The following RNF130 variants were observed in gnomAD, a reference collection of about 807,000 sequenced individuals.
RNF130 encodes the protein ring finger protein 130.
Under a neutral mutation model 44.6 loss-of-function variants are expected in RNF130, and 21 were observed. The ratio of observed to expected loss-of-function variants is 0.47; its 90% CI spans 0.33 to 0.68. The LOEUF (loss-of-function observed/expected upper bound fraction) is 0.68, where lower values mean the gene tolerates loss of function less well. Ranked by LOEUF, RNF130 falls within the 30% of genes least tolerant of loss-of-function variation. RNF130 has a pLI of 0.02. For synonymous variants in RNF130, 214 were observed against 210.4 expected, an observed-to-expected ratio of 1.02 and a Z score of -0.15; for missense variants, 479 against 560.6, an observed-to-expected ratio of 0.85 and a Z score of 1.47.
In RNF130 at chr5:180,070,585, A is replaced by G. The variant is rs529690804; in HGVS notation, c.247+871T>C. ...AGAAAAATCCCCTCTCAGCATTCTCAGGGTGACAATGAGGGTGGGGATAAT... is the reference window on the plus strand; with the variant it reads ...AGAAAAATCCCCTCTCAGCATTCTCGGGGTGACAATGAGGGTGGGGATAAT... On this transcript the variant is annotated intron_variant, in intron 1 of 8. Transcript: ENST00000521389. 6.6e-5 allele frequency among the ~76,000 whole-genome samples: 10 copies of G among 152,344 alleles called. No individual in the cohort carries two copies. In the East Asian group the frequency reaches 1.7e-3, roughly 26 times the overall value.
At chr5:179,990,097 CAA>C (rs1300902710) in intron 3 of RNF130, among the ~76,000 whole-genome samples, 1 of 152,064 alleles carries the variant, frequency 6.6e-6, no homozygotes, top group Non-Finnish European at 1.5e-5. Context: ...AGACACAAGA[CAA>C]AGAGATAAAA....
chr5:179,922,373 C>A (rs554086210), intron 7 of RNF130, among the ~76,000 whole-genome samples: 1 of 151,988 alleles, frequency 6.6e-6, no homozygotes, highest in Non-Finnish European at 1.5e-5. Flanking sequence ...TGTGCAATGG[C>A]GCCATCTCGG....
intron 2 of RNF130, among the ~76,000 whole-genome samples, chr5:180,026,297 A>G (rs1249150561): frequency 6.6e-6 from 1 of 152,268 alleles, no homozygotes; most frequent in African/African-American, 2.4e-5. Context: ...AGCTAATTCT[A>G]TCAGACAGTG....
chr5:179,928,851 A>G (rs190127925), intron 7 of RNF130, among the ~76,000 whole-genome samples: 436 of 151,774 alleles, frequency 2.9e-3, no homozygotes, highest in Middle Eastern at 0.01. Context: ...GGATGGTCTC[A>G]ATCTCCTGAT....
intron 7 of RNF130, among the ~76,000 whole-genome samples, chr5:179,936,855 GGAAAGAACAGTCTCTTCAA>G (rs1761896745): frequency 6.6e-6 from 1 of 152,122 alleles, no homozygotes; most frequent in East Asian, 1.9e-4. Flanking sequence ...ACTCAGTGGG[GGAAAGAACAGTCTCTTCAA>G]GAAATGGTAT....
At chr5:180,045,123 TACA>T (rs1554106664) in intron 1 of RNF130, among the ~76,000 whole-genome samples, 1 of 152,180 alleles carries the variant, frequency 6.6e-6, no homozygotes, top group Non-Finnish European at 1.5e-5. Flanking sequence ...TAACAGAGCC[TACA>T]ACACTATACA....
At chr5:179,953,968 G>C (rs1392009065), downstream of RNF130, among the ~76,000 whole-genome samples, 1 of 152,122 alleles carries the variant, frequency 6.6e-6, no homozygotes, top group Non-Finnish European at 1.5e-5. Context: ...AAAGAAAATA[G>C]AAAATGGCCA....
intron 1 of RNF130, among the ~76,000 whole-genome samples, chr5:180,059,813 G>A (rs1470678582): frequency 6.6e-6 from 1 of 152,240 alleles, no homozygotes; most frequent in East Asian, 1.9e-4. Flanking sequence ...GCACAGGCCT[G>A]CTACGTGAGA....
intron 7 of RNF130, among the ~76,000 whole-genome samples, chr5:179,926,963 C>T (rs767836647): frequency 7.9e-5 from 12 of 152,190 alleles, no homozygotes; most frequent in Non-Finnish European, 1.5e-4. Flanking sequence ...TCGCCCCACT[C>T]GACACTGCCC....
At chr5:179,916,428 T>C (rs1228259995) in exon 8 of RNF130, 1 of 152,162 alleles carries the variant, frequency 6.6e-6, no homozygotes, top group East Asian at 1.9e-4. Context: ...CTCGAACGGA[T>C]TGGATGTGAG....
At chr5:179,938,562 A>C (rs4700703) in intron 7 of RNF130, among the ~76,000 whole-genome samples, 15,791 of 152,180 alleles carry the variant, frequency 0.1, 1,009 homozygotes, top group Non-Finnish European at 0.14. Flanking sequence ...TTTTCACCAA[A>C]CACATTCTCA....
chr5:180,050,835 T>C (rs1410202077), intron 1 of RNF130, among the ~76,000 whole-genome samples: 2 of 152,180 alleles, frequency 1.3e-5, no homozygotes, highest in Admixed American at 1.3e-4. Context: ...GGAGACAGGG[T>C]TTCACTCTGT....
intron 7 of RNF130, chr5:179,934,108 C>T (rs1265434347): frequency 1.9e-5 from 5 of 257,514 alleles, no homozygotes; most frequent in South Asian, 1.8e-4. Flanking sequence ...GACTTTGAAG[C>T]ACGGCCTAAT....
chr5:179,974,329 C>T (rs1467284468), intron 5 of RNF130, among the ~76,000 whole-genome samples: 1 of 152,220 alleles, frequency 6.6e-6, no homozygotes, highest in Non-Finnish European at 1.5e-5. Context: ...CGACTACACA[C>T]TCCGATGGCC....
chr5:179,928,681 T>G (rs1057503882), intron 7 of RNF130, among the ~76,000 whole-genome samples: 14 of 151,054 alleles, frequency 9.3e-5, no homozygotes, highest in African/African-American at 3.2e-4. Flanking sequence ...CAGGCTGGAG[T>G]GCAGTGGTGC....
rs1761724444 is a variant in RNF130, at chr5:179,927,615, G to A, written c.1151-7189C>T. On this transcript the variant is annotated intron_variant, in intron 7 of 7. Transcript: ENST00000522208. ...TTTTTTTTTTTTTTTTTGAGATGGA[G>A]TCTCACTCTGTCGCCCAGGCTGGAC... Among the ~76,000 whole-genome samples, 3 of 137,442 alleles carry A rather than the reference G, an allele frequency of 2.2e-5. No individual in the cohort carries two copies. In the South Asian group the frequency reaches 7.0e-4, roughly 32 times the overall value. The allele number at this position is 137,442 out of a possible 152,430, so 90.2% of individuals were successfully genotyped here.
intron 3 of RNF130, 82 bp from the exon 4 acceptor site, chr5:179,980,282 A>G (rs1416173582): frequency 2.4e-5 from 32 of 1,317,490 alleles, no homozygotes; most frequent in Middle Eastern, 3.6e-4. Context: ...TTAAAAGTAT[A>G]AAGTCTCTAT....
At chr5:179,917,908 AG>A (rs1761575715) in exon 8 of RNF130, 1 of 152,192 alleles carries the variant, frequency 6.6e-6, no homozygotes, top group African/African-American at 2.4e-5. Flanking sequence ...CGGTGGGCTG[AG>A]GTGGGAGGAT....
chr5:179,974,834 C>T (rs1028701056), intron 5 of RNF130, among the ~76,000 whole-genome samples: 8 of 152,316 alleles, frequency 5.3e-5, no homozygotes, highest in Admixed American at 2.6e-4. Flanking sequence ...AGAGCAGGCA[C>T]GCAGCGGCGC....
Sources: allele counts gnomAD v4.1 joint callset (sites outside exome capture counted in the v4.1 genomes callset), GRCh38; gene constraint gnomAD v4.1.1; transcripts MANE v1.5; gene names NCBI Gene and HGNC (gene_info 2026-07-23, HGNC 2026-07-21).